TTC6: variants seen among roughly 807,000 people sequenced by gnomAD.
TTC6 encodes the protein tetratricopeptide repeat protein 6.
In TTC6, 172 loss-of-function variants were observed where a neutral mutation model predicts 210.4. That is an observed-to-expected ratio of 0.82 (90% CI 0.72 to 0.93). The LOEUF is 0.93. Ranked by LOEUF, TTC6 falls within the 40% of genes least tolerant of loss-of-function variation. TTC6 has a pLI of 0.00. For missense variants in TTC6, 2,414 were observed against 2,318.1 expected (o/e 1.04, Z -0.85); for synonymous variants, 804 against 819.6 (o/e 0.98, Z 0.32).
chr14:37,838,804 C>T (rs2096203650), intron 29 of TTC6, among the ~76,000 whole-genome samples: 1 of 152,000 alleles, frequency 6.6e-6, no homozygotes, highest in South Asian at 2.1e-4. Context: ...TTACATATCC[C>T]TCCCCCACCC....
chr14:37,602,683 C>A (rs531450506), intron 1 of TTC6, among the ~76,000 whole-genome samples: 19 of 152,136 alleles, frequency 1.2e-4, no homozygotes, highest in Non-Finnish European at 1.8e-4. Context: ...GATCTGCACC[C>A]CAACCTTCCT....
At chr14:37,640,431 G>T (rs1595049411) in intron 1 of TTC6, among the ~76,000 whole-genome samples, 2 of 152,082 alleles carry the variant, frequency 1.3e-5, no homozygotes, top group East Asian at 3.9e-4. Flanking sequence ...GGCTATTTCA[G>T]GTACAATTAC....
intron 29 of TTC6, 151 bp from the exon 32 acceptor site, chr14:37,841,294 C>T: frequency 1.5e-6 from 1 of 653,772 alleles, no homozygotes; most frequent in Non-Finnish European, 2.5e-6. Context: ...ACATTCTCTG[C>T]AGACAATGCA....
chr14:37,663,640 T>G (rs1235950543), intron 1 of TTC6, among the ~76,000 whole-genome samples: 1 of 152,168 alleles, frequency 6.6e-6, no homozygotes, highest in Admixed American at 6.6e-5. Context: ...AATATTGGTG[T>G]TGTGTCACAG....
chr14:37,773,650 G>T (rs957224081), intron 14 of TTC6, among the ~76,000 whole-genome samples: 6 of 152,070 alleles, frequency 3.9e-5, no homozygotes, highest in Admixed American at 6.5e-5. Flanking sequence ...TGCTGTTTTG[G>T]TTGCTGTGGC....
rs908413384 is a variant in TTC6, at chr14:37,791,911, A to G, written c.3558-353A>G. ...TGTTTCTCACTGTCACTCGTGGCCA[A>G]TAGAACATAGCCTGAGGTAAAGACT... On this transcript the variant is annotated intron_variant, in intron 16 of 30. Coordinates refer to ENST00000553443, the Ensembl canonical transcript of TTC6. Among the ~76,000 whole-genome samples the G allele has an allele frequency of 4.6e-5, 7 of 152,172 alleles. No individual in the cohort carries two copies. In the South Asian group the frequency reaches 8.3e-4, roughly 18 times the overall value.
At chr14:37,804,880 C>T in intron 21 of TTC6, 66 bp downstream of exon 23, 2 of 1,576,214 alleles carry the variant, frequency 1.3e-6, no homozygotes, top group South Asian at 2.4e-5. Flanking sequence ...GTATGCAATT[C>T]TGTTTCTGAA....
At chr14:37,833,767 C>T (rs1445320569) in intron 29 of TTC6, among the ~76,000 whole-genome samples, 1 of 151,796 alleles carries the variant, frequency 6.6e-6, no homozygotes, top group Non-Finnish European at 1.5e-5. Flanking sequence ...CTTTGTGTGT[C>T]TGTTGTTTCA....
At chr14:37,789,338 G>GA (rs1235617219) in intron 15 of TTC6, among the ~76,000 whole-genome samples, 6 of 87,634 alleles carry the variant, frequency 6.8e-5, no homozygotes, top group African/African-American at 3.6e-4. Flanking sequence ...TCCTTAAGAA[G>GA]AGTTTTTTTA....
In TTC6 at chr14:37,767,780, G is replaced by T. The variant is rs1203236271; in HGVS notation, c.3266+14545G>T. ...GTTCACTCTGATGGTAGTTTCTTTT[G>T]CTGTGCAGAAGCTCTTTAGTTTAAT... On this transcript the variant is annotated intron_variant, in intron 14 of 30. Transcript: ENST00000553443. Among the ~76,000 whole-genome samples, 10 of 151,070 alleles carry T rather than the reference G, an allele frequency of 6.6e-5. No individual in the cohort carries two copies. In the East Asian group the frequency reaches 9.8e-4, roughly 15 times the overall value.
chr14:37,821,707 T>C (rs1453362688), intron 26 of TTC6, among the ~76,000 whole-genome samples: 2 of 151,668 alleles, frequency 1.3e-5, no homozygotes, highest in South Asian at 2.1e-4. Flanking sequence ...CCTTTCAGTT[T>C]CAAAATGAAT....
At chr14:37,642,805 A>G (rs74045686) in intron 1 of TTC6, among the ~76,000 whole-genome samples, 3 of 152,212 alleles carry the variant, frequency 2.0e-5, no homozygotes, top group Non-Finnish European at 4.4e-5. Context: ...CTCCTAGACT[A>G]CAAAGCATGT....
At chr14:37,824,336 T>A (rs1484812706) in intron 27 of TTC6, among the ~76,000 whole-genome samples, 1 of 152,238 alleles carries the variant, frequency 6.6e-6, no homozygotes, top group Non-Finnish European at 1.5e-5. Context: ...CCACAGGTTT[T>A]GTCCTGTTGC....
chr14:37,717,486 A>C (rs1257975741), intron 6 of TTC6, among the ~76,000 whole-genome samples: 1 of 152,132 alleles, frequency 6.6e-6, no homozygotes, highest in African/African-American at 2.4e-5. Context: ...ACAAACTACC[A>C]CAACTCACCC....
chr14:37,807,491 A>C, intron 23 of TTC6, 31 bp downstream of exon 25: 1 of 1,437,534 alleles, frequency 7.0e-7, no homozygotes, highest in Non-Finnish European at 9.2e-7. Context: ...GTTTACCGAA[A>C]TTTTAGGGTG....
intron 3 of TTC6, among the ~76,000 whole-genome samples, chr14:37,687,671 G>T (rs934618187): frequency 1.3e-5 from 2 of 152,170 alleles, no homozygotes; most frequent in Admixed American, 1.3e-4. Flanking sequence ...GCACTGGTCA[G>T]TGTCATGAGG....
intron 1 of TTC6, among the ~76,000 whole-genome samples, chr14:37,660,423 T>A (rs2095734981): frequency 6.6e-6 from 1 of 152,146 alleles, no homozygotes; most frequent in African/African-American, 2.4e-5. Context: ...GTTGTTCCCC[T>A]CTCTGTGTCC....
chr14:37,778,178 CTGTG>C (rs1201256267), intron 14 of TTC6, among the ~76,000 whole-genome samples: 1 of 151,890 alleles, frequency 6.6e-6, no homozygotes, highest in Non-Finnish European at 1.5e-5. Flanking sequence ...ATGTCAGCCT[CTGTG>C]TGGGTGTTCA....
intron 25 of TTC6, among the ~76,000 whole-genome samples, chr14:37,814,932 G>A (rs958831302): frequency 2.6e-5 from 4 of 152,122 alleles, no homozygotes; most frequent in African/African-American, 7.2e-5. Flanking sequence ...ACATTAGTTA[G>A]TTGAGAGCTG....
Sources: allele counts gnomAD v4.1 joint callset (sites outside exome capture counted in the v4.1 genomes callset), GRCh38; gene constraint gnomAD v4.1.1; transcripts MANE v1.5; gene names NCBI Gene and HGNC (gene_info 2026-07-23, HGNC 2026-07-21).